The following OLA1 variants were observed in gnomAD, a reference collection of about 807,000 sequenced individuals.
OLA1 encodes obg-like ATPase 1.
In OLA1, 14 loss-of-function variants were observed where a neutral mutation model predicts 48.4. That is an observed-to-expected ratio of 0.29 (90% CI 0.19 to 0.45). The LOEUF (loss-of-function observed/expected upper bound fraction) is 0.45, where lower values mean the gene tolerates loss of function less well. Ranked by LOEUF, OLA1 falls within the 20% of genes least tolerant of loss-of-function variation. The probability of loss-of-function intolerance (pLI) is 1.00; values close to 1 mark genes in which losing one functional copy is unlikely to be tolerated. For synonymous variants in OLA1, 127 were observed against 150.4 expected (o/e 0.84, Z 1.14); for missense variants, 325 against 467.1 (o/e 0.70, Z 2.80).
intron 4 of OLA1, among the ~76,000 whole-genome samples, chr2:174,148,661 C>T (rs1686671832): frequency 6.6e-6 from 1 of 152,148 alleles, no homozygotes; most frequent in South Asian, 2.1e-4. Flanking sequence ...TCTAGTTCTC[C>T]CCTGCTACCT....
chr2:174,163,716 ATATATATATAT>A lies in OLA1; in HGVS notation c.374-21727_374-21717del, dbSNP rs1687072887. On this transcript the variant is annotated intron_variant, in intron 4 of 10. Coordinates refer to ENST00000284719, the MANE Select transcript of OLA1 (RefSeq NM_013341.5). Reference sequence around the variant, plus strand: ...AAAAATAAAATAAATAAATAAATATATATATATATATATATATATATATATATATATATATA... The same window carrying A: ...AAAAATAAAATAAATAAATAAATATAATATATATATATATATATATATATA... 8.6e-3 allele frequency among the ~76,000 whole-genome samples: 154 copies of A among 17,974 alleles called. 11 individuals carry two copies. Among genetic ancestry groups the A allele is most frequent in the South Asian group, 0.022 (7 of 312 alleles). 11.8% of individuals were successfully genotyped at this position (17,974 alleles called of 152,430 possible).
intron 4 of OLA1, among the ~76,000 whole-genome samples, chr2:174,191,295 G>A (rs1687771734): frequency 6.8e-6 from 1 of 147,954 alleles, no homozygotes; most frequent in Non-Finnish European, 1.5e-5. Flanking sequence ...TTAGGAAACT[G>A]ACAAGACAGA....
intron 3 of OLA1, among the ~76,000 whole-genome samples, chr2:174,225,574 C>T (rs1436360767): frequency 6.6e-6 from 1 of 151,978 alleles, no homozygotes; most frequent in Non-Finnish European, 1.5e-5. Flanking sequence ...TCTGAGGCCT[C>T]GCCAGAAGCC....
chr2:174,134,171 G>C (rs1285787671), intron 5 of OLA1, among the ~76,000 whole-genome samples: 1 of 152,190 alleles, frequency 6.6e-6, no homozygotes, highest in African/African-American at 2.4e-5. Flanking sequence ...TATTGTTTGA[G>C]TAACTGTGTT....
intron 10 of OLA1, 71 bp from the exon 11 acceptor site, chr2:174,075,598 C>G: frequency 1.1e-6 from 1 of 919,364 alleles, no homozygotes. Context: ...ATGGTGGCAG[C>G]AGATATAAAA....
At chr2:174,131,862 A>G (rs777216881) in intron 5 of OLA1, among the ~76,000 whole-genome samples, 4 of 151,980 alleles carry the variant, frequency 2.6e-5, no homozygotes, top group Non-Finnish European at 5.9e-5. Flanking sequence ...ATTCACCTAT[A>G]ATTTTTCTCT....
At chr2:174,105,910 C>T (rs1019493692) in intron 7 of OLA1, among the ~76,000 whole-genome samples, 3 of 151,964 alleles carry the variant, frequency 2.0e-5, no homozygotes, top group Admixed American at 6.6e-5. Flanking sequence ...CAATATTTTC[C>T]GTAAACGGCA....
chr2:174,185,937 A>G (rs1687648087), intron 4 of OLA1, among the ~76,000 whole-genome samples: 1 of 152,142 alleles, frequency 6.6e-6, no homozygotes, highest in Non-Finnish European at 1.5e-5. Flanking sequence ...AAATAAATAA[A>G]TAAATAAAGT....
intron 4 of OLA1, among the ~76,000 whole-genome samples, chr2:174,222,578 C>T (rs1459679458): frequency 6.6e-6 from 1 of 152,146 alleles, no homozygotes; most frequent in Non-Finnish European, 1.5e-5. Context: ...TAAGGACTAG[C>T]TGATCTATAG....
At chr2:174,086,110 T>C (rs918561564) in intron 7 of OLA1, among the ~76,000 whole-genome samples, 1 of 152,160 alleles carries the variant, frequency 6.6e-6, no homozygotes, top group African/African-American at 2.4e-5. Flanking sequence ...CTACGGAGGG[T>C]CCTGGGATCC....
At chr2:174,081,037 C>T in intron 9 of OLA1, 115 bp downstream of exon 9, 1 of 801,312 alleles carries the variant, frequency 1.2e-6, no homozygotes, top group Non-Finnish European at 2.1e-6. Flanking sequence ...TGGACAAAAA[C>T]CTCATCTGTA....
At chr2:174,172,267 C>T (rs1458041354) in intron 4 of OLA1, 2 of 197,942 alleles carry the variant, frequency 1.0e-5, no homozygotes, top group African/African-American at 2.3e-5. Flanking sequence ...GCCAACTGTA[C>T]CTTTATAAGC....
chr2:174,148,141 C>T (rs888445291), intron 4 of OLA1, among the ~76,000 whole-genome samples: 3 of 152,212 alleles, frequency 2.0e-5, no homozygotes, highest in African/African-American at 7.2e-5. Context: ...AACCCCAGCA[C>T]TTTGGGAGGC....
intron 7 of OLA1, among the ~76,000 whole-genome samples, chr2:174,088,484 G>A (rs1029457001): frequency 1.3e-5 from 2 of 152,070 alleles, no homozygotes; most frequent in African/African-American, 4.8e-5. Flanking sequence ...ACTAAAATAT[G>A]TCATAAATAA....
At chr2:174,218,371 G>GA (rs199836667) in intron 4 of OLA1, among the ~76,000 whole-genome samples, 3,580 of 150,312 alleles carry the variant, frequency 0.024, 57 homozygotes, top group Non-Finnish European at 0.035. Flanking sequence ...CTTTCCTGAT[G>GA]AAAAAAAAAC....
In OLA1 at chr2:174,110,091, A is replaced by ATTTT. The variant is rs199583094; in HGVS notation, c.728+13085_728+13088dup. Reference sequence around the variant, plus strand: ...CTATCCCTGTGTTAGTTTGCTAAGGATTTTTTTTTTTTTTTTTTTTTTGAG... The same window carrying ATTTT: ...CTATCCCTGTGTTAGTTTGCTAAGGATTTTTTTTTTTTTTTTTTTTTTTTTTGAG... On this transcript the variant is annotated intron_variant, in intron 7 of 10. Coordinates refer to ENST00000284719, the MANE Select transcript of OLA1 (RefSeq NM_013341.5). Among the ~76,000 whole-genome samples the ATTTT allele has an allele frequency of 1.6e-3, 177 of 110,982 alleles. 5 individuals carry two copies. The South Asian group carries it at 0.018, about 11-fold the overall frequency. The allele number at this position is 110,982 out of a possible 152,430, so 72.8% of individuals were successfully genotyped here. A position where few individuals can be genotyped will look rare whatever the true frequency, so the allele number is the denominator to read the frequency against.
At chr2:174,088,729 G>T (rs1204473221) in intron 7 of OLA1, among the ~76,000 whole-genome samples, 1 of 152,076 alleles carries the variant, frequency 6.6e-6, no homozygotes, top group African/African-American at 2.4e-5. Flanking sequence ...AGAGAGCTAA[G>T]GCCGGGCTTG....
chr2:174,176,468 A>G (rs1235162153), intron 4 of OLA1, among the ~76,000 whole-genome samples: 1 of 152,200 alleles, frequency 6.6e-6, no homozygotes, highest in East Asian at 1.9e-4. Context: ...TATCAATTTA[A>G]AATACATGTC....
At chr2:174,238,788 T>C (rs1011252693) in intron 2 of OLA1, among the ~76,000 whole-genome samples, 2 of 151,982 alleles carry the variant, frequency 1.3e-5, no homozygotes, top group African/African-American at 4.8e-5. Context: ...GCAGACAGAG[T>C]ACAAATAACA....
Sources: gnomAD v4.1 joint callset for allele counts (sites outside exome capture counted in the v4.1 genomes callset) on GRCh38, gnomAD v4.1.1 for gene constraint, MANE v1.5 for transcripts, NCBI Gene and HGNC (gene_info 2026-07-23, HGNC 2026-07-21) for gene names.